ZFHX3: variants seen among roughly 807,000 people sequenced by gnomAD.
ZFHX3 encodes zinc finger homeobox protein 3.
A neutral mutation model predicts 279.1 loss-of-function variants in ZFHX3; 42 were observed. The ratio of observed to expected loss-of-function variants is 0.15; its 90% CI spans 0.12 to 0.19. The LOEUF is 0.19. Among genes scored for constraint, ZFHX3 ranks in the 10% least tolerant of loss-of-function variants. ZFHX3 has a pLI of 1.00. For synonymous variants in ZFHX3, 2,293 were observed against 1,957.8 expected, an observed-to-expected ratio of 1.17 and a Z score of -4.52; for missense variants, 4,981 against 4,754.0, an observed-to-expected ratio of 1.05 and a Z score of -1.40.
In ZFHX3 at chr16:72,788,784, G is replaced by A. The variant is rs1331856265; in HGVS notation, c.9492C>T (p.Leu3164=). ...LPSTTVPSPG[L]PTSGLPNKPS... ...GTTTATTTGGTAATCCAGAAGTGGG[G>A]AGGCCAGGGGAAGGAACAGTTGTGC... The change falls in exon 10 of 10, where the codon CTC becomes CTT. Residue 3164 remains leucine, a synonymous_variant. Transcript: ENST00000268489. The A allele has an allele frequency of 1.9e-6, 3 of 1,548,774 alleles. No individual in the cohort carries two copies. The highest frequency in any genetic ancestry group is 2.6e-6 in the Non-Finnish European group (3 of 1,150,382).
chr16:73,186,347 C>T (rs1280140493), intron 5 of ZFHX3, among the ~76,000 whole-genome samples: 1 of 152,166 alleles, frequency 6.6e-6, no homozygotes, highest in East Asian at 1.9e-4. Context: ...GGGTCTGTCA[C>T]ACCTTAGGCT....
chr16:72,955,095 A>G (rs1017104901), intron 2 of ZFHX3, among the ~76,000 whole-genome samples: 11 of 152,188 alleles, frequency 7.2e-5, no homozygotes, highest in Admixed American at 6.5e-4. Context: ...TCTTTTGGAC[A>G]CTTCCTATGG....
intron 1 of ZFHX3, among the ~76,000 whole-genome samples, chr16:73,682,899 AAAGAAAG>A (rs1567550548): frequency 5.1e-5 from 1 of 19,744 alleles, no homozygotes. Context: ...AGAAAGAAAG[AAAGAAAG>A]AGAAAGAAAG....
chr16:72,827,312 C>T (rs2036957151), intron 5 of ZFHX3, among the ~76,000 whole-genome samples: 1 of 152,172 alleles, frequency 6.6e-6, no homozygotes, highest in Admixed American at 6.5e-5. Context: ...ATAGAGCTTA[C>T]AACATGCCAA....
chr16:73,261,668 G>T lies in ZFHX3; in HGVS notation c.-1193-4532C>A, dbSNP rs1456811075. On this transcript the variant is annotated intron_variant, in intron 4 of 17. Transcript: ENST00000641206. Reference sequence around the variant, plus strand: ...TATAAATATAAACATTCCTGTGATTGTTTTTTTTTTTTTTTTTTTTTTTTA... The same window carrying T: ...TATAAATATAAACATTCCTGTGATTTTTTTTTTTTTTTTTTTTTTTTTTTA... Among the ~76,000 whole-genome samples, 447 of 80,618 alleles carry T rather than the reference G, an allele frequency of 5.5e-3. 1 individual carries two copies. Among genetic ancestry groups the T allele is most frequent in the Middle Eastern group, 0.021 (2 of 96 alleles). 52.9% of individuals were successfully genotyped at this position (80,618 alleles called of 152,430 possible).
Position 73,176,968 on chromosome 16 carries a change from G to A in ZFHX3, c.-1103-33137C>T, listed in dbSNP as rs545917285. 4.6e-5 allele frequency among the ~76,000 whole-genome samples: 7 copies of A among 152,096 alleles called. No individual in the cohort carries two copies. The East Asian group carries it at 1.2e-3, about 25-fold the overall frequency. ...GCATCAGCATGACTAAGTCATGGAA[G>A]CAAGCTGATTTCATCAGCACATTGG... On this transcript the variant is annotated intron_variant, in intron 5 of 17. Transcript: ENST00000641206.
At chr16:73,297,610 A>G (rs911834436) in intron 4 of ZFHX3, among the ~76,000 whole-genome samples, 1 of 152,016 alleles carries the variant, frequency 6.6e-6, no homozygotes, top group Non-Finnish European at 1.5e-5. Context: ...GCAGGAGTCA[A>G]ACGGGACACA....
intron 2 of ZFHX3, among the ~76,000 whole-genome samples, chr16:73,580,429 G>T (rs986691693): frequency 5.9e-5 from 9 of 151,730 alleles, no homozygotes; most frequent in Admixed American, 2.6e-4. Flanking sequence ...AGTGAGCCAA[G>T]ATCGTGCCAC....
At chr16:73,053,938 T>C (rs2144730877) in intron 1 of ZFHX3, among the ~76,000 whole-genome samples, 1 of 150,768 alleles carries the variant, frequency 6.6e-6, no homozygotes, top group East Asian at 2.0e-4. Context: ...GAAAACTCTA[T>C]AAAAAGCCTT....
intron 1 of ZFHX3, among the ~76,000 whole-genome samples, chr16:73,033,145 G>A (rs970961670): frequency 6.6e-6 from 1 of 152,106 alleles, no homozygotes; most frequent in African/African-American, 2.4e-5. Context: ...CCATGGACAG[G>A]TGACCTCAGC....
chr16:73,498,316 T>C (rs78922728), intron 2 of ZFHX3, among the ~76,000 whole-genome samples: 1 of 152,156 alleles, frequency 6.6e-6, no homozygotes, highest in Admixed American at 6.6e-5. Context: ...TTGGGGGACA[T>C]GTGGGAGCTT....
intron 3 of ZFHX3, among the ~76,000 whole-genome samples, chr16:73,347,417 C>T (rs1400651980): frequency 6.6e-6 from 1 of 152,236 alleles, no homozygotes; most frequent in Non-Finnish European, 1.5e-5. Flanking sequence ...TTTGTGATAT[C>T]AGCATCTGTT....
chr16:73,704,905 G>A (rs968106981), intron 1 of ZFHX3, among the ~76,000 whole-genome samples: 10 of 152,166 alleles, frequency 6.6e-5, no homozygotes, highest in Non-Finnish European at 1.5e-5. Flanking sequence ...TCAGTATTGT[G>A]CTGGCAACGG....
chr16:73,877,946 T>A (rs1161915827), intron 1 of ZFHX3, among the ~76,000 whole-genome samples: 2 of 151,990 alleles, frequency 1.3e-5, no homozygotes, highest in African/African-American at 4.8e-5. Context: ...AATCTCTTTA[T>A]TTAAAAAAGA....
intron 2 of ZFHX3, among the ~76,000 whole-genome samples, chr16:73,478,985 G>A (rs1026027961): frequency 6.6e-6 from 1 of 152,194 alleles, no homozygotes; most frequent in Non-Finnish European, 1.5e-5. Flanking sequence ...CCGGGAGGCA[G>A]ATGTTGCAGT....
chr16:73,423,934 T>A (rs1412453297), intron 3 of ZFHX3, among the ~76,000 whole-genome samples: 1 of 151,816 alleles, frequency 6.6e-6, no homozygotes, highest in Non-Finnish European at 1.5e-5. Context: ...ATATTGGGTC[T>A]CTGTGAGATG....
At chr16:73,777,582 A>C (rs1280723554) in intron 1 of ZFHX3, among the ~76,000 whole-genome samples, 1 of 148,704 alleles carries the variant, frequency 6.7e-6, no homozygotes, top group Non-Finnish European at 1.5e-5. Context: ...TATTTATTTC[A>C]TTTCTACTAC....
At chr16:73,697,504 T>G (rs183359319) in intron 1 of ZFHX3, among the ~76,000 whole-genome samples, 1 of 152,184 alleles carries the variant, frequency 6.6e-6, no homozygotes, top group Admixed American at 6.5e-5. Context: ...TGTTCCCAAG[T>G]TGCTATATAC....
At chr16:73,782,401 A>G (rs1178114327) in intron 1 of ZFHX3, among the ~76,000 whole-genome samples, 2 of 152,208 alleles carry the variant, frequency 1.3e-5, no homozygotes, top group South Asian at 2.1e-4. Context: ...TTTACATGCA[A>G]TGTTAAAGGG....
Sources: allele counts gnomAD v4.1 joint callset (sites outside exome capture counted in the v4.1 genomes callset), GRCh38; gene constraint gnomAD v4.1.1; transcripts MANE v1.5; gene names NCBI Gene and HGNC (gene_info 2026-07-23, HGNC 2026-07-21).